Variants in FGF12 observed in about 807,000 individuals in gnomAD.
FGF12 encodes fibroblast growth factor 12.
In FGF12, 14 loss-of-function variants were observed where a neutral mutation model predicts 23.6. That is an observed-to-expected ratio of 0.59 (90% CI 0.39 to 0.93). The LOEUF is 0.93. Among genes scored for constraint, FGF12 ranks in the 40% least tolerant of loss-of-function variants. The pLI is 0.00. For synonymous variants in FGF12, 62 were observed against 77.3 expected (o/e 0.80, Z 1.04); for missense variants, 175 against 217.8 (o/e 0.80, Z 1.24).
intron 3 of FGF12, among the ~76,000 whole-genome samples, chr3:192,357,174 A>G (rs935383387): frequency 2.0e-5 from 3 of 152,170 alleles, no homozygotes; most frequent in Non-Finnish European, 2.9e-5. Flanking sequence ...GAAGTCTTAA[A>G]TGATTTTTTA....
At chr3:192,397,763 C>A (rs998450962) in intron 2 of FGF12, among the ~76,000 whole-genome samples, 2 of 152,054 alleles carry the variant, frequency 1.3e-5, no homozygotes, top group Non-Finnish European at 2.9e-5. Flanking sequence ...GAAAACAGAA[C>A]CTGACACCTA....
chr3:192,582,961 C>T (rs1222830074), intron 2 of FGF12, among the ~76,000 whole-genome samples: 3 of 152,068 alleles, frequency 2.0e-5, no homozygotes, highest in Non-Finnish European at 2.9e-5. Context: ...TTTGTTCCTC[C>T]TTCCCTTCCC....
chr3:192,358,832 T>G (rs1311225387), intron 3 of FGF12, among the ~76,000 whole-genome samples: 1 of 152,226 alleles, frequency 6.6e-6, no homozygotes, highest in African/African-American at 2.4e-5. Context: ...TTTCAATTTT[T>G]TTTAAAGTTA....
intron 2 of FGF12, among the ~76,000 whole-genome samples, chr3:192,523,894 C>CCACATAG (rs1724880300): frequency 6.6e-6 from 1 of 152,102 alleles, no homozygotes; most frequent in South Asian, 2.1e-4. Context: ...CCATGTAAAA[C>CCACATAG]CACATAGCAG....
intron 4 of FGF12, chr3:192,238,809 A>G (rs1258733799): frequency 1.3e-5 from 2 of 152,298 alleles, no homozygotes; most frequent in East Asian, 3.9e-4. Context: ...TTCCACATGT[A>G]ATCCTCCTGG....
chr3:192,438,159 G>T (rs1220019925), intron 2 of FGF12, among the ~76,000 whole-genome samples: 1 of 152,186 alleles, frequency 6.6e-6, no homozygotes, highest in Non-Finnish European at 1.5e-5. Context: ...CCGTTGATGA[G>T]ATCCTATTGT....
intron 2 of FGF12, among the ~76,000 whole-genome samples, chr3:192,378,019 CTCTTTCTTT>C (rs748424522): frequency 0.018 from 1,505 of 81,534 alleles, 255 homozygotes; most frequent in African/African-American, 0.084. Flanking sequence ...TTTCTTCTGA[CTCTTTCTTT>C]TCTTTCTTTC....
intron 3 of FGF12, among the ~76,000 whole-genome samples, chr3:192,358,369 T>C (rs895617321): frequency 6.6e-6 from 1 of 152,150 alleles, no homozygotes; most frequent in African/African-American, 2.4e-5. Flanking sequence ...ATTAAATTTA[T>C]CTTAATAAAA....
At position 192,540,297 on chromosome 3, in the gene FGF12, T is replaced by A. The variant is rs566467318; in HGVS notation, c.14-179759A>T. Among the ~76,000 whole-genome samples, 3 of 152,238 alleles carry A rather than the reference T, an allele frequency of 2.0e-5. No homozygotes were observed. The South Asian group carries it at 6.2e-4, about 32-fold the overall frequency. On this transcript the variant is annotated intron_variant, in intron 2 of 5. Coordinates refer to ENST00000445105, the MANE Select transcript of FGF12 (RefSeq NM_004113.6). ...TTATAGCTATAAGCTTTTCTCTTAG[T>A]ACCGCTTTAGCCATATCCTATTGGT...
chr3:192,401,520 G>A (rs1474023713), intron 2 of FGF12, among the ~76,000 whole-genome samples: 1 of 152,184 alleles, frequency 6.6e-6, no homozygotes, highest in Admixed American at 6.5e-5. Context: ...CCTCTGTACT[G>A]TATGGTACTT....
At chr3:192,584,605 C>A (rs1290390712) in intron 2 of FGF12, among the ~76,000 whole-genome samples, 2 of 152,080 alleles carry the variant, frequency 1.3e-5, no homozygotes, top group African/African-American at 2.4e-5. Context: ...GCCACATTTT[C>A]TATATTTATT....
chr3:192,716,519 C>A (rs1460477143), intron 2 of FGF12, among the ~76,000 whole-genome samples: 1 of 152,172 alleles, frequency 6.6e-6, no homozygotes, highest in Admixed American at 6.5e-5. Context: ...CTGCATACCA[C>A]AGCTGCATGG....
At chr3:192,692,635 A>T (rs1350509132) in intron 2 of FGF12, among the ~76,000 whole-genome samples, 1 of 151,050 alleles carries the variant, frequency 6.6e-6, no homozygotes, top group Non-Finnish European at 1.5e-5. Flanking sequence ...GAGCCTGCAG[A>T]GTGGAAGTTG....
chr3:192,387,925 T>C (rs1279162736), intron 2 of FGF12, among the ~76,000 whole-genome samples: 2 of 151,672 alleles, frequency 1.3e-5, no homozygotes, highest in Non-Finnish European at 1.5e-5. Flanking sequence ...TGTCATGACT[T>C]TGAAGTTTGA....
chr3:192,457,859 C>A (rs1003896087), intron 2 of FGF12, among the ~76,000 whole-genome samples: 1 of 152,240 alleles, frequency 6.6e-6, no homozygotes, highest in African/African-American at 2.4e-5. Context: ...CCTCTCATCA[C>A]AGGCCTGGAG....
At chr3:192,551,554 A>C (rs9848495) in intron 2 of FGF12, among the ~76,000 whole-genome samples, 33,058 of 152,200 alleles carry the variant, frequency 0.22, 3,887 homozygotes, top group Middle Eastern at 0.4. Flanking sequence ...CAGAGTGAGA[A>C]AGCTTCACTG....
chr3:192,158,372 T>TTCTTTCTTTCTTTCTTTCTTTCTTC (rs1560171472), intron 5 of FGF12, among the ~76,000 whole-genome samples: 1 of 121,528 alleles, frequency 8.2e-6, no homozygotes, highest in Non-Finnish European at 1.7e-5. Flanking sequence ...CTTTCTTTCT[T>TTCTTTCTTTCTTTCTTTCTTTCTTC]TCTTTCTTTC....
At chr3:192,711,057 T>C (rs145657593) in intron 2 of FGF12, among the ~76,000 whole-genome samples, 10 of 152,318 alleles carry the variant, frequency 6.6e-5, no homozygotes, top group Admixed American at 3.9e-4. Context: ...GAGCTTCCAG[T>C]CACCTTTTTA....
intron 4 of FGF12, among the ~76,000 whole-genome samples, chr3:192,266,304 T>A (rs1334610580): frequency 1.3e-5 from 2 of 152,150 alleles, no homozygotes; most frequent in Non-Finnish European, 1.5e-5. Flanking sequence ...ATGACTTGCA[T>A]AATGTTAAGC....
Sources: gnomAD v4.1 joint callset for allele counts (sites outside exome capture counted in the v4.1 genomes callset) on GRCh38, gnomAD v4.1.1 for gene constraint, MANE v1.5 for transcripts, NCBI Gene and HGNC (gene_info 2026-07-23, HGNC 2026-07-21) for gene names.